The following TPRG1 variants were observed in gnomAD, a reference collection of about 807,000 sequenced individuals.
The protein encoded by TPRG1 is tumor protein p63-regulated gene 1 protein.
In TPRG1, 29 loss-of-function variants were observed where a neutral mutation model predicts 29.3. The ratio of observed to expected loss-of-function variants is 0.99; its 90% CI spans 0.74 to 1.35. TPRG1 has a LOEUF of 1.35. Among genes scored for constraint, TPRG1 ranks in the 40% most tolerant of loss-of-function variants. The probability of loss-of-function intolerance (pLI) is 0.00; values close to 1 mark genes in which losing one functional copy is unlikely to be tolerated. For synonymous variants in TPRG1, 130 were observed against 116.8 expected (o/e 1.11, Z -0.73); for missense variants, 327 against 335.0 (o/e 0.98, Z 0.19).
At chr3:189,307,304 G>A (rs35675072) in intron 4 of TPRG1, among the ~76,000 whole-genome samples, 26,883 of 152,166 alleles carry the variant, frequency 0.18, 3,129 homozygotes, top group Middle Eastern at 0.27. Context: ...GATTACAGGC[G>A]TGAGTCACCG....
At chr3:189,289,823 C>G (rs767347399) in intron 4 of TPRG1, among the ~76,000 whole-genome samples, 20 of 152,120 alleles carry the variant, frequency 1.3e-4, no homozygotes, top group Non-Finnish European at 2.6e-4. Context: ...CCACGATGCT[C>G]TATTATCTAC....
chr3:189,203,591 AG>A (rs1733836679), intron 1 of TPRG1, among the ~76,000 whole-genome samples: 1 of 152,216 alleles, frequency 6.6e-6, no homozygotes, highest in African/African-American at 2.4e-5. Context: ...GTGTAATACC[AG>A]TTGGATATAC....
chr3:189,175,567 C>T (rs984906733), intron 1 of TPRG1, among the ~76,000 whole-genome samples: 5 of 152,018 alleles, frequency 3.3e-5, no homozygotes, highest in African/African-American at 1.2e-4. Flanking sequence ...GTTTGTAAGT[C>T]GTCAGTGAGA....
chr3:189,047,292 A>T (rs887397538), intron 4 of TPRG1, among the ~76,000 whole-genome samples: 1 of 152,240 alleles, frequency 6.6e-6, no homozygotes, highest in East Asian at 1.9e-4. Context: ...GTGCATATAA[A>T]AGTTATTTCT....
chr3:189,130,133 T>C (rs1041548071), intron 2 of TPRG1, among the ~76,000 whole-genome samples: 14 of 152,212 alleles, frequency 9.2e-5, no homozygotes, highest in African/African-American at 3.4e-4. Context: ...CTCAACCAGA[T>C]GATCATGATG....
At chr3:189,316,271 C>T (rs556224902) in intron 5 of TPRG1, among the ~76,000 whole-genome samples, 1 of 152,124 alleles carries the variant, frequency 6.6e-6, no homozygotes, top group South Asian at 2.1e-4. Flanking sequence ...GTCACAGGGG[C>T]TCTATGAGGA....
chr3:189,284,357 C>T (rs1270756904), intron 4 of TPRG1, among the ~76,000 whole-genome samples: 1 of 117,686 alleles, frequency 8.5e-6, no homozygotes, highest in Non-Finnish European at 1.7e-5. Context: ...CCCCCCCCTC[C>T]CCCCACCCCA....
chr3:189,284,171 T>A (rs1311919024), intron 4 of TPRG1, among the ~76,000 whole-genome samples: 2 of 150,930 alleles, frequency 1.3e-5, no homozygotes, highest in Non-Finnish European at 2.9e-5. Context: ...CCCGCATTTT[T>A]CTTTTCCCTT....
chr3:189,258,857 C>T (rs1249806413), intron 4 of TPRG1, among the ~76,000 whole-genome samples: 2 of 152,202 alleles, frequency 1.3e-5, no homozygotes, highest in African/African-American at 4.8e-5. Flanking sequence ...CCTCCCCCAA[C>T]CAAGCTCAGT....
intron 1 of TPRG1, among the ~76,000 whole-genome samples, chr3:189,185,921 T>C (rs888725643): frequency 1.3e-5 from 2 of 152,208 alleles, no homozygotes; most frequent in Non-Finnish European, 2.9e-5. Context: ...GTCATTTAAT[T>C]GTCTTTAAAA....
At chr3:189,312,103 TTGTTTCTTTCTTTG>T (rs1722626403) in intron 5 of TPRG1, among the ~76,000 whole-genome samples, 5 of 69,416 alleles carry the variant, frequency 7.2e-5, no homozygotes, top group Non-Finnish European at 1.3e-4. Context: ...CTTTGTTTCT[TTGTTTCTTTCTTTG>T]TTTCTTTCTT....
intron 4 of TPRG1, among the ~76,000 whole-genome samples, chr3:189,032,641 C>T (rs1713993422): frequency 1.3e-5 from 2 of 150,694 alleles, no homozygotes; most frequent in Admixed American, 6.6e-5. Flanking sequence ...TACATGTGCA[C>T]AATGTGCAGG....
rs539824584 is a variant in TPRG1 at position 189,236,846 on chromosome 3, A to G, written c.303-1887A>G. Reference sequence around the variant, plus strand: ...TTCTCTGTGTCCTCCTATTGATTCAACTCCTAACTGCATCTTGCCTATCTG... The same window carrying G: ...TTCTCTGTGTCCTCCTATTGATTCAGCTCCTAACTGCATCTTGCCTATCTG... On this transcript the variant is annotated intron_variant, in intron 3 of 5. Coordinates refer to ENST00000345063, the MANE Select transcript of TPRG1 (RefSeq NM_198485.4). Among the ~76,000 whole-genome samples the G allele has an allele frequency of 9.9e-5, 15 of 152,200 alleles. No individual in the cohort carries two copies. In the South Asian group the frequency reaches 3.1e-3, roughly 32 times the overall value.
At chr3:189,207,149 G>A (rs1369472722) in intron 1 of TPRG1, 7 of 984,282 alleles carry the variant, frequency 7.1e-6, no homozygotes, top group Non-Finnish European at 8.4e-6. Context: ...TCTCTGTCCG[G>A]AGAGTCTCTC....
intron 4 of TPRG1, among the ~76,000 whole-genome samples, chr3:189,150,209 G>A (rs568888011): frequency 1.3e-5 from 2 of 152,270 alleles, no homozygotes; most frequent in Non-Finnish European, 2.9e-5. Context: ...TTGAGACGGA[G>A]TCTCACTCTG....
intron 4 of TPRG1, among the ~76,000 whole-genome samples, chr3:189,292,844 A>G (rs1719240882): frequency 6.6e-6 from 1 of 152,184 alleles, no homozygotes; most frequent in South Asian, 2.1e-4. Context: ...GGCTGGCCAG[A>G]TTATCCCACA....
At chr3:189,153,147 A>G (rs1010788046) in intron 5 of TPRG1, among the ~76,000 whole-genome samples, 2 of 152,204 alleles carry the variant, frequency 1.3e-5, no homozygotes, top group African/African-American at 2.4e-5. Flanking sequence ...TGAGTTTGCC[A>G]TCGCCAGGCT....
At chr3:189,057,869 T>TGTGTGTATATATATACACACATACGTAG in intron 4 of TPRG1, among the ~76,000 whole-genome samples, 1 of 142,912 alleles carries the variant, frequency 7.0e-6, no homozygotes, top group African/African-American at 2.5e-5. Context: ...CACATACGTA[T>TGTGTGTATATATATACACACATACGTAG]GTGTGTATAT....
rs1024460063 is a variant in TPRG1, at chr3:189,236,785, C to T, written c.303-1948C>T. On this transcript the variant is annotated intron_variant, in intron 3 of 5. Coordinates refer to ENST00000345063, the MANE Select transcript of TPRG1 (RefSeq NM_198485.4). ...TTTTCTGCTTCTCCTTTCTTTCTTT[C>T]ACTTCTGTCTCCCTTTTTCTGTCCT... Among the ~76,000 whole-genome samples the T allele has an allele frequency of 1.7e-4, 26 of 152,074 alleles. 1 individual carries two copies. Among genetic ancestry groups the T allele is most frequent in the African/African-American group, 6.3e-4 (26 of 41,388 alleles).
Sources: allele counts gnomAD v4.1 joint callset (sites outside exome capture counted in the v4.1 genomes callset), GRCh38; gene constraint gnomAD v4.1.1; transcripts MANE v1.5; gene names NCBI Gene and HGNC (gene_info 2026-07-23, HGNC 2026-07-21).